C19orf47: variants seen among roughly 807,000 people sequenced by gnomAD.
The protein encoded by C19orf47 is uncharacterized protein C19orf47.
In C19orf47, 18 loss-of-function variants were observed where a neutral mutation model predicts 32.3. The ratio of observed to expected loss-of-function variants is 0.56; its 90% CI spans 0.39 to 0.83. The LOEUF is 0.83. Ranked by LOEUF, C19orf47 falls within the 40% of genes least tolerant of loss-of-function variation. The probability of loss-of-function intolerance (pLI) is 0.00; values close to 1 mark genes in which losing one functional copy is unlikely to be tolerated. For missense variants in C19orf47, 484 were observed against 531.6 expected (o/e 0.91, Z 0.88); for synonymous variants, 202 against 211.1 (o/e 0.96, Z 0.37).
downstream of C19orf47, among the ~76,000 whole-genome samples, chr19:40,317,282 T>C (rs1459863815): frequency 1.3e-5 from 2 of 152,142 alleles, no homozygotes; most frequent in South Asian, 2.1e-4. Flanking sequence ...TGGCTGTGAA[T>C]GTATTATTTA....
chr19:40,297,806 G>A, the C19orf47 span, among the ~76,000 whole-genome samples: 8 of 151,594 alleles, frequency 5.3e-5, no homozygotes, highest in South Asian at 4.2e-4. Flanking sequence ...CCTGAGAGGC[G>A]GAGGTTGCAG....
chr19:40,307,347 T>G, the C19orf47 span, among the ~76,000 whole-genome samples: 5 of 151,292 alleles, frequency 3.3e-5, no homozygotes, highest in Non-Finnish European at 3.0e-5. Flanking sequence ...CACCCACCTC[T>G]GCCTCCCAAA....
intron 1 of C19orf47, among the ~76,000 whole-genome samples, chr19:40,347,890 A>G (rs1266593570): frequency 6.6e-6 from 1 of 152,062 alleles, no homozygotes; most frequent in Admixed American, 6.6e-5. Flanking sequence ...CGACCCTATG[A>G]TATTGGGACT....
At chr19:40,335,203 A>C (rs2078038572) in intron 4 of C19orf47, among the ~76,000 whole-genome samples, 1 of 152,200 alleles carries the variant, frequency 6.6e-6, no homozygotes, top group Non-Finnish European at 1.5e-5. Flanking sequence ...GGCCACAGCC[A>C]CACTAGCATC....
chr19:40,341,702 T>C, intron 2 of C19orf47, 137 bp downstream of exon 2: 4 of 1,297,284 alleles, frequency 3.1e-6, no homozygotes, highest in Non-Finnish European at 4.2e-6. Context: ...AGCCCCACCC[T>C]GCCACGGTCC....
At chr19:40,337,645 T>C (rs1271073543) in intron 2 of C19orf47, among the ~76,000 whole-genome samples, 1 of 152,106 alleles carries the variant, frequency 6.6e-6, no homozygotes, top group African/African-American at 2.4e-5. Flanking sequence ...CCTCACCCAT[T>C]TTTCTTTTAA....
At chr19:40,312,546 A>G in the C19orf47 span, among the ~76,000 whole-genome samples, 5 of 149,094 alleles carry the variant, frequency 3.4e-5, no homozygotes, top group Non-Finnish European at 7.5e-5. Context: ...CTCCATCTCA[A>G]AAAAAAAAAA....
chr19:40,332,437 T>G (rs1012950455), intron 5 of C19orf47: 1 of 151,988 alleles, frequency 6.6e-6, no homozygotes, highest in Non-Finnish European at 1.5e-5. Flanking sequence ...GTGGATCACC[T>G]GAGGTGTTCA....
intron 7 of C19orf47, 72 bp from the exon 8 acceptor site, chr19:40,324,148 C>A: frequency 6.9e-7 from 1 of 1,448,920 alleles, no homozygotes; most frequent in Non-Finnish European, 9.7e-7. Context: ...GTACAGACAC[C>A]AAGGCAGCCC....
chr19:40,348,275 G>C (rs2078369005), intron 1 of C19orf47, 49 bp downstream of exon 1: 2 of 1,253,386 alleles, frequency 1.6e-6, no homozygotes, highest in South Asian at 3.9e-5. Context: ...GACGCCACCC[G>C]TCCCTACCGC....
chr19:40,309,539 T>C, the C19orf47 span, among the ~76,000 whole-genome samples: 2 of 152,232 alleles, frequency 1.3e-5, no homozygotes, highest in South Asian at 4.1e-4. Flanking sequence ...GGACTGATTT[T>C]TGCATCATTT....
downstream of C19orf47, among the ~76,000 whole-genome samples, chr19:40,319,124 G>A (rs2077683115): frequency 6.6e-6 from 1 of 151,886 alleles, no homozygotes; most frequent in Non-Finnish European, 1.5e-5. Context: ...ATGAAAATTA[G>A]CTGGGAGTGG....
At chr19:40,318,913 GGAT>G (rs2077681134), downstream of C19orf47, among the ~76,000 whole-genome samples, 1 of 152,188 alleles carries the variant, frequency 6.6e-6, no homozygotes, top group East Asian at 1.9e-4. Flanking sequence ...TTCTGGAGAT[GGAT>G]GATGGCGAAG....
chr19:40,328,701 G>A (rs377203741), intron 5 of C19orf47, 151 bp from the exon 6 acceptor site: 15 of 1,053,258 alleles, frequency 1.4e-5, no homozygotes, highest in Non-Finnish European at 2.0e-5. Flanking sequence ...TACTCGTGAT[G>A]GGGATGCTTG....
the C19orf47 span, among the ~76,000 whole-genome samples, chr19:40,302,402 A>G: frequency 1.3e-5 from 2 of 152,078 alleles, no homozygotes; most frequent in African/African-American, 4.8e-5. Flanking sequence ...AGTAGTTGGG[A>G]CTACAGGCAT....
intron 8 of C19orf47, among the ~76,000 whole-genome samples, 177 bp downstream of exon 8, chr19:40,323,829 A>G (rs2077771304): frequency 6.6e-6 from 1 of 152,138 alleles, no homozygotes; most frequent in African/African-American, 2.4e-5. Flanking sequence ...ACTGGGAGAG[A>G]AGCCAGGGCA....
chr19:40,338,999 C>G (rs570465395), intron 2 of C19orf47: 3 of 152,178 alleles, frequency 2.0e-5, no homozygotes, highest in African/African-American at 7.2e-5. Flanking sequence ...AAAAGTACCA[C>G]GTAGGTTGGG....
At position 40,321,286 on chromosome 19, in the gene C19orf47, A is replaced by C. The variant is rs758480909; in HGVS notation, c.*596T>G. 8 of 986,430 alleles carry C rather than the reference A, an allele frequency of 8.1e-6. No individual in the cohort carries two copies. The highest frequency in any genetic ancestry group is 1.7e-5 in the African/African-American group (1 of 57,244). 61.1% of individuals were successfully genotyped at this position (986,430 alleles called of 1,614,324 possible). On this transcript the variant is annotated 3_prime_UTR_variant, in exon 9 of 9. Coordinates refer to ENST00000683109, the MANE Select transcript of C19orf47 (RefSeq NM_001256441.2). ...CTCAACAGGCTCGACGCCACCGCCG[A>C]CGAGGGGGCCGCTGGGAGGCCGGAG...
chr19:40,294,179 G>A, the C19orf47 span, among the ~76,000 whole-genome samples: 1 of 152,094 alleles, frequency 6.6e-6, no homozygotes, highest in South Asian at 2.1e-4. Flanking sequence ...GGTGCCCAAC[G>A]TGGGGCATCT....
Sources: gnomAD v4.1 joint callset for allele counts (sites outside exome capture counted in the v4.1 genomes callset) on GRCh38, gnomAD v4.1.1 for gene constraint, MANE v1.5 for transcripts, NCBI Gene and HGNC (gene_info 2026-07-23, HGNC 2026-07-21) for gene names.